RFX4: variants seen among roughly 807,000 people sequenced by gnomAD.
The protein encoded by RFX4 is regulatory factor X4, also known as transcription factor RFX4.
RFX4 carries 10 observed loss-of-function variants against 95.0 expected under a neutral mutation model. The observed-to-expected ratio is 0.11, with a 90% CI of 0.06 to 0.18. The LOEUF is 0.18. Ranked by LOEUF, RFX4 falls within the 10% of genes least tolerant of loss-of-function variation. The pLI is 1.00. For synonymous variants in RFX4, 321 were observed against 340.7 expected (o/e 0.94, Z 0.64); for missense variants, 640 against 922.0 (o/e 0.69, Z 3.96).
At chr12:106,610,686 T>C (rs937547408) in intron 2 of RFX4, among the ~76,000 whole-genome samples, 2 of 152,240 alleles carry the variant, frequency 1.3e-5, no homozygotes, top group Non-Finnish European at 2.9e-5. Flanking sequence ...TGTATGGATA[T>C]GTCACATTTT....
intron 13 of RFX4, among the ~76,000 whole-genome samples, chr12:106,731,706 C>T (rs551713654): frequency 2.6e-4 from 39 of 152,300 alleles, no homozygotes; most frequent in African/African-American, 8.9e-4. Flanking sequence ...CATGGACATA[C>T]TTAAAGTCCA....
chr12:106,601,330 A>G (rs765964145), intron 1 of RFX4: 89 of 1,587,792 alleles, frequency 5.6e-5, no homozygotes, highest in Non-Finnish European at 7.5e-5. Flanking sequence ...CCAGGCCTCG[A>G]CGGCGCCGTT....
chr12:106,620,372 A>G (rs890010320), intron 2 of RFX4, among the ~76,000 whole-genome samples: 1 of 152,212 alleles, frequency 6.6e-6, no homozygotes, highest in Non-Finnish European at 1.5e-5. Context: ...TGGGGGTGAC[A>G]TCACATATCG....
intron 1 of RFX4, chr12:106,601,462 C>A (rs1411122830): frequency 4.5e-6 from 5 of 1,108,358 alleles, no homozygotes; most frequent in Non-Finnish European, 6.4e-6. Context: ...TTTTATGTAG[C>A]GTTTCTGGAG....
chr12:106,601,027 C>A, intron 1 of RFX4: 1 of 860,918 alleles, frequency 1.2e-6, no homozygotes, highest in Non-Finnish European at 1.6e-6. Context: ...CAGAGCCTGT[C>A]AAACAGTAGG....
At chr12:106,643,777 T>G (rs1241785936) in intron 3 of RFX4, among the ~76,000 whole-genome samples, 1 of 152,242 alleles carries the variant, frequency 6.6e-6, no homozygotes, top group Non-Finnish European at 1.5e-5. Flanking sequence ...GCTTTACTTT[T>G]ATTTTGTTTA....
chr12:106,731,851 T>G (rs1457323758), intron 13 of RFX4, among the ~76,000 whole-genome samples: 1 of 151,658 alleles, frequency 6.6e-6, no homozygotes, highest in Non-Finnish European at 1.5e-5. Flanking sequence ...GCTCGGTGGG[T>G]GCCATTTTTG....
chr12:106,638,291 A>T (rs2040554498), intron 2 of RFX4, among the ~76,000 whole-genome samples: 1 of 152,238 alleles, frequency 6.6e-6, no homozygotes, highest in South Asian at 2.1e-4. Flanking sequence ...TACAGATGTG[A>T]GCCACTGTGC....
At chr12:106,649,966 CAGAACTATTATAGT>C (rs2137308484) in intron 3 of RFX4, among the ~76,000 whole-genome samples, 1 of 152,280 alleles carries the variant, frequency 6.6e-6, no homozygotes, top group Non-Finnish European at 1.5e-5. Context: ...CATTTCCTGC[CAGAACTATTATAGT>C]AGCTCCTAAT....
intron 6 of RFX4, among the ~76,000 whole-genome samples, chr12:106,688,064 CTTTTTTTTTTTTTT>C (rs754808212): frequency 1.0e-5 from 1 of 96,250 alleles, no homozygotes; most frequent in African/African-American, 4.0e-5. Context: ...TATCACATTT[CTTTTTTTTTTTTTT>C]TTTTTTTTTG....
chr12:106,761,087 C>T, intron 17 of RFX4, 110 bp from the exon 18 acceptor site: 1 of 1,172,078 alleles, frequency 8.5e-7, no homozygotes, highest in Non-Finnish European at 1.2e-6. Flanking sequence ...CATCAACTCT[C>T]ATTAATAGCA....
intron 4 of RFX4, among the ~76,000 whole-genome samples, chr12:106,659,032 G>C (rs1373933394): frequency 6.6e-6 from 1 of 152,220 alleles, no homozygotes; most frequent in Non-Finnish European, 1.5e-5. Context: ...TTCCAAGTTT[G>C]TCTATGGCCC....
intron 5 of RFX4, among the ~76,000 whole-genome samples, chr12:106,685,222 T>C (rs1010108111): frequency 6.6e-6 from 1 of 151,114 alleles, no homozygotes. Context: ...TTCTTCTTCT[T>C]CTTTTAGTCC....
chr12:106,690,871 C>A (rs991216814), intron 7 of RFX4, among the ~76,000 whole-genome samples: 2 of 152,194 alleles, frequency 1.3e-5, no homozygotes, highest in South Asian at 4.1e-4. Flanking sequence ...CAGTTACCAA[C>A]AACAAAACTA....
chr12:106,761,925 CTTGTCA>C lies in RFX4; in HGVS notation c.*461_*466del, dbSNP rs1369579794. 1 of 153,400 alleles carries C rather than the reference CTTGTCA, an allele frequency of 6.5e-6. No homozygotes were observed. The highest frequency in any genetic ancestry group is 1.5e-5 in the Non-Finnish European group (1 of 68,686). The allele number at this position is 153,400 out of a possible 1,614,324, so 9.5% of individuals were successfully genotyped here. A position where few individuals can be genotyped will look rare whatever the true frequency, so the allele number is the denominator to read the frequency against. ...CAAGAGCATTCACCTTGCCATCTGT[CTTGTCA>C]TTGTACTGTACAAGGAACAGCCCTC... On this transcript the variant is annotated 3_prime_UTR_variant, in exon 18 of 18. Transcript: ENST00000392842.
chr12:106,681,788 C>T (rs186104258), intron 4 of RFX4, among the ~76,000 whole-genome samples: 3 of 152,066 alleles, frequency 2.0e-5, no homozygotes, highest in African/African-American at 7.2e-5. Flanking sequence ...AGTGAGACCC[C>T]CTTAGTATCC....
chr12:106,724,434 A>G (rs1435377431), intron 13 of RFX4, among the ~76,000 whole-genome samples: 1 of 152,238 alleles, frequency 6.6e-6, no homozygotes, highest in Admixed American at 6.5e-5. Flanking sequence ...GCATGCCACA[A>G]TAGAGCTAGA....
intron 8 of RFX4, among the ~76,000 whole-genome samples, chr12:106,700,919 T>C (rs1465302564): frequency 6.6e-6 from 1 of 152,208 alleles, no homozygotes; most frequent in East Asian, 1.9e-4. Context: ...ATTAAAGATA[T>C]GAAAAAATAT....
At chr12:106,594,986 G>GT (rs60325407) in intron 1 of RFX4, among the ~76,000 whole-genome samples, 3,271 of 152,194 alleles carry the variant, frequency 0.021, 52 homozygotes, top group Non-Finnish European at 0.03. Context: ...AACTTAATGA[G>GT]TTTTTTCAAA....
Sources: gnomAD v4.1 joint callset for allele counts (sites outside exome capture counted in the v4.1 genomes callset) on GRCh38, gnomAD v4.1.1 for gene constraint, MANE v1.5 for transcripts, NCBI Gene and HGNC (gene_info 2026-07-23, HGNC 2026-07-21) for gene names.